Variants in PRIMA1 observed in about 807,000 individuals in gnomAD.
The protein encoded by PRIMA1 is proline rich membrane anchor 1, also known as proline-rich membrane anchor 1.
In PRIMA1, 7 loss-of-function variants were observed where a neutral mutation model predicts 17.5. The ratio of observed to expected loss-of-function variants is 0.40; its 90% CI spans 0.23 to 0.75. PRIMA1 has a LOEUF of 0.75. Among genes scored for constraint, PRIMA1 ranks in the 30% least tolerant of loss-of-function variants. The probability of loss-of-function intolerance (pLI) is 0.37; values close to 1 mark genes in which losing one functional copy is unlikely to be tolerated. For missense variants in PRIMA1, 200 were observed against 201.8 expected, an observed-to-expected ratio of 0.99 and a Z score of 0.05; for synonymous variants, 97 against 77.9, an observed-to-expected ratio of 1.25 and a Z score of -1.29.
In PRIMA1 at chr14:93,718,597, T is replaced by G. The variant is rs1174688010; in HGVS notation, c.*2847A>C. The stretch of plus-strand genomic sequence containing the variant: ...CACACTACCTGGGCAGTTTAACTCA[T>G]ACTTTGTACAGATGCAGAGAGTACA... On this transcript the variant is annotated 3_prime_UTR_variant, in exon 5 of 5. Transcript: ENST00000393140. 6.6e-6 allele frequency: 1 copy of G among 152,470 alleles called. No individual in the cohort carries two copies. The highest frequency in any genetic ancestry group is 2.4e-5 in the African/African-American group (1 of 41,392). The allele number at this position is 152,470 out of a possible 1,614,324, so 9.4% of individuals were successfully genotyped here. A position where few individuals can be genotyped will look rare whatever the true frequency, so the allele number is the denominator to read the frequency against.
chr14:93,784,706 C>G (rs1036962140), intron 2 of PRIMA1, among the ~76,000 whole-genome samples: 1 of 152,172 alleles, frequency 6.6e-6, no homozygotes, highest in Non-Finnish European at 1.5e-5. Flanking sequence ...TGCATCCTAA[C>G]TTCTCATCCT....
chr14:93,725,840 C>G, intron 4 of PRIMA1: 2 of 422,952 alleles, frequency 4.7e-6, no homozygotes, highest in Non-Finnish European at 9.5e-6. Context: ...TCCTACCTAA[C>G]GCGTGCCCCG....
upstream of PRIMA1, chr14:93,788,606 G>A (rs1348182433): frequency 1.3e-5 from 2 of 152,190 alleles, no homozygotes; most frequent in East Asian, 3.9e-4. Flanking sequence ...ACATGCCGGG[G>A]AGGAGCGCCC....
chr14:93,774,650 G>A (rs1206345172), intron 3 of PRIMA1, among the ~76,000 whole-genome samples: 1 of 152,086 alleles, frequency 6.6e-6, no homozygotes, highest in African/African-American at 2.4e-5. Context: ...CATTCTACCT[G>A]GGAATTCTCC....
At chr14:93,729,200 G>T (rs1056446589) in intron 4 of PRIMA1, among the ~76,000 whole-genome samples, 2 of 152,228 alleles carry the variant, frequency 1.3e-5, no homozygotes, top group Non-Finnish European at 1.5e-5. Context: ...GGTTCCAAAG[G>T]ATGCAGGATA....
chr14:93,725,065 G>A (rs1221099491), intron 4 of PRIMA1, among the ~76,000 whole-genome samples: 1 of 152,178 alleles, frequency 6.6e-6, no homozygotes, highest in Non-Finnish European at 1.5e-5. Context: ...GCTCGGAAGA[G>A]CTAAGCAGGA....
chr14:93,723,527 G>C (rs908402707), intron 4 of PRIMA1, among the ~76,000 whole-genome samples: 1 of 152,184 alleles, frequency 6.6e-6, no homozygotes, highest in Admixed American at 6.5e-5. Context: ...GTAGCAAACT[G>C]TTCCCTTTTC....
At chr14:93,762,442 A>G (rs978407100) in intron 3 of PRIMA1, among the ~76,000 whole-genome samples, 2 of 150,112 alleles carry the variant, frequency 1.3e-5, no homozygotes, top group African/African-American at 4.9e-5. Context: ...GGCCCACTCC[A>G]GGGAAAAGGG....
chr14:93,734,229 G>A (rs1331160249), intron 4 of PRIMA1, among the ~76,000 whole-genome samples: 2 of 152,210 alleles, frequency 1.3e-5, no homozygotes, highest in Non-Finnish European at 2.9e-5. Flanking sequence ...GCATAGCGTC[G>A]GCTTACACCC....
intron 4 of PRIMA1, among the ~76,000 whole-genome samples, chr14:93,735,178 C>T (rs1377457651): frequency 1.3e-5 from 2 of 152,102 alleles, no homozygotes; most frequent in Non-Finnish European, 2.9e-5. Flanking sequence ...GGCGTGTCTG[C>T]AAGGAGACTG....
At chr14:93,764,534 T>C (rs986272610) in intron 3 of PRIMA1, among the ~76,000 whole-genome samples, 5 of 152,112 alleles carry the variant, frequency 3.3e-5, no homozygotes, top group African/African-American at 1.2e-4. Flanking sequence ...CCATGTCTTC[T>C]CCACTGCGTC....
At chr14:93,724,983 A>G (rs929896923) in intron 4 of PRIMA1, among the ~76,000 whole-genome samples, 2 of 152,246 alleles carry the variant, frequency 1.3e-5, no homozygotes, top group African/African-American at 2.4e-5. Context: ...GGCAGGAGGC[A>G]AGGAGACAGT....
intron 4 of PRIMA1, among the ~76,000 whole-genome samples, chr14:93,734,366 G>A (rs905026011): frequency 1.1e-4 from 16 of 152,202 alleles, no homozygotes; most frequent in Non-Finnish European, 2.4e-4. Flanking sequence ...CCTAAGCATG[G>A]AGAGCTGCTG....
At chr14:93,740,602 A>G (rs1179932431) in intron 3 of PRIMA1, among the ~76,000 whole-genome samples, 2 of 152,296 alleles carry the variant, frequency 1.3e-5, no homozygotes, top group East Asian at 1.9e-4. Context: ...CCTGCCACCA[A>G]TGGTCCAGGA....
intron 4 of PRIMA1, among the ~76,000 whole-genome samples, chr14:93,728,383 G>T (rs908578143): frequency 6.6e-6 from 1 of 152,216 alleles, no homozygotes; most frequent in Non-Finnish European, 1.5e-5. Context: ...AGGTCCAGGG[G>T]ATGAGAAGGA....
At chr14:93,770,191 G>C (rs1487807072) in intron 3 of PRIMA1, among the ~76,000 whole-genome samples, 2 of 152,034 alleles carry the variant, frequency 1.3e-5, no homozygotes, top group Non-Finnish European at 2.9e-5. Flanking sequence ...TCACTCACCT[G>C]GCCCATGGCA....
intron 4 of PRIMA1, among the ~76,000 whole-genome samples, chr14:93,733,382 T>C (rs948201414): frequency 3.7e-4 from 57 of 152,194 alleles, no homozygotes; most frequent in African/African-American, 1.3e-3. Context: ...CTCTTCCTCC[T>C]GCCAAGGTCC....
intron 2 of PRIMA1, 26 bp downstream of exon 2, chr14:93,787,600 G>C: frequency 6.5e-7 from 1 of 1,538,922 alleles, no homozygotes; most frequent in Non-Finnish European, 8.7e-7. Context: ...GGCCCTCCCA[G>C]CCAGTGCGCA....
intron 3 of PRIMA1, among the ~76,000 whole-genome samples, chr14:93,739,115 C>T (rs1275033305): frequency 6.6e-6 from 1 of 151,726 alleles, no homozygotes; most frequent in East Asian, 1.9e-4. Flanking sequence ...TGCAGTGGCA[C>T]GATCTCAGCT....
Sources: gnomAD v4.1 joint callset for allele counts (sites outside exome capture counted in the v4.1 genomes callset) on GRCh38, gnomAD v4.1.1 for gene constraint, MANE v1.5 for transcripts, NCBI Gene and HGNC (gene_info 2026-07-23, HGNC 2026-07-21) for gene names.